Variants in ANKRD31 observed in about 807,000 individuals in gnomAD.
ANKRD31 encodes ankyrin repeat domain 31.
Under a neutral mutation model 186.0 loss-of-function variants are expected in ANKRD31, and 147 were observed. The ratio of observed to expected loss-of-function variants is 0.79; its 90% confidence interval spans 0.69 to 0.91. ANKRD31 has a LOEUF of 0.91. ANKRD31 is among the 40% of genes least tolerant of loss of function. The probability of loss-of-function intolerance (pLI) is 0.00; values close to 1 mark genes in which losing one functional copy is unlikely to be tolerated. For missense variants in ANKRD31, 1,986 were observed against 2,148.8 expected (o/e 0.92, Z 1.50); for synonymous variants, 673 against 736.4 (o/e 0.91, Z 1.39).
At chr5:75,177,089 C>G (rs1368482111) in intron 10 of ANKRD31, among the ~76,000 whole-genome samples, 27 of 152,078 alleles carry the variant, frequency 1.8e-4, no homozygotes, top group Admixed American at 1.8e-3. Context: ...GACAAATGCA[C>G]AAGCCTCAGT....
chr5:75,095,507 A>G (rs1215566783), intron 22 of ANKRD31, among the ~76,000 whole-genome samples: 1 of 151,962 alleles, frequency 6.6e-6, no homozygotes, highest in Non-Finnish European at 1.5e-5. Flanking sequence ...AACAATTCAC[A>G]AGTTTTAAAT....
intron 25 of ANKRD31, among the ~76,000 whole-genome samples, chr5:75,069,815 T>C (rs576308904): frequency 1.2e-4 from 19 of 152,248 alleles, no homozygotes; most frequent in Middle Eastern, 3.4e-3. Context: ...CAAAGTGCAA[T>C]GAGATTTTTA....
chr5:75,077,890 C>G (rs1041000341), intron 25 of ANKRD31, among the ~76,000 whole-genome samples: 2 of 147,344 alleles, frequency 1.4e-5, no homozygotes, highest in Admixed American at 6.8e-5. Context: ...CGAGATAGCG[C>G]CACTGCACTC....
In ANKRD31 at chr5:75,196,345, G is replaced by T. The variant is rs1755465624; in HGVS notation, c.448-145C>A. ...CTTTCCTTCCCTTCCATAAATAAAG[G>T]GAATACTCTTTATTGCTTTCCTATA... On this transcript the variant is annotated intron_variant, in intron 6 of 25. Coordinates refer to ENST00000506364, the MANE Select transcript of ANKRD31 (RefSeq NM_001372053.1). 4.9e-6 allele frequency: 3 copies of T among 613,012 alleles called. No individual in the cohort carries two copies. The East Asian group carries it at 9.4e-5, about 19-fold the overall frequency. 38.0% of individuals were successfully genotyped at this position (613,012 alleles called of 1,614,324 possible). A position where few individuals can be genotyped will look rare whatever the true frequency, so the allele number is the denominator to read the frequency against.
chr5:75,103,222 C>CAT (rs1747052789), intron 22 of ANKRD31, among the ~76,000 whole-genome samples: 1 of 152,068 alleles, frequency 6.6e-6, no homozygotes, highest in Non-Finnish European at 1.5e-5. Context: ...AGAAGGCATT[C>CAT]ATATGGCCAA....
chr5:75,174,695 A>C (rs1467586294), intron 10 of ANKRD31, among the ~76,000 whole-genome samples: 1 of 152,256 alleles, frequency 6.6e-6, no homozygotes, highest in East Asian at 1.9e-4. Context: ...ATCTCATGCC[A>C]GTTAGAATGC....
chr5:75,107,978 CA>C (rs1034484449), intron 20 of ANKRD31, among the ~76,000 whole-genome samples: 1 of 151,592 alleles, frequency 6.6e-6, no homozygotes, highest in Non-Finnish European at 1.5e-5. Context: ...TTTTAAAATA[CA>C]AAAGGAATAC....
chr5:75,162,983 T>C (rs1180829549), intron 11 of ANKRD31, among the ~76,000 whole-genome samples: 1 of 152,226 alleles, frequency 6.6e-6, no homozygotes, highest in Non-Finnish European at 1.5e-5. Context: ...AAGCTAAACA[T>C]TTGTTTCTTG....
chr5:75,205,446 G>A (rs1040509139), intron 5 of ANKRD31, among the ~76,000 whole-genome samples: 2 of 152,076 alleles, frequency 1.3e-5, no homozygotes, highest in Non-Finnish European at 2.9e-5. Context: ...TGTATGTTCA[G>A]GCTCATCCTG....
chr5:75,182,166 TCC>T (rs951621410), intron 10 of ANKRD31, among the ~76,000 whole-genome samples: 2 of 152,176 alleles, frequency 1.3e-5, no homozygotes, highest in Non-Finnish European at 2.9e-5. Context: ...AAAAACGATT[TCC>T]CCCAAATATT....
chr5:75,100,354 A>G (rs909782691), intron 22 of ANKRD31, among the ~76,000 whole-genome samples: 7 of 152,172 alleles, frequency 4.6e-5, no homozygotes, highest in Non-Finnish European at 8.8e-5. Context: ...TATGTGGTCA[A>G]TTTTGGAATA....
intron 2 of ANKRD31, among the ~76,000 whole-genome samples, chr5:75,227,837 C>T (rs887992503): frequency 1.3e-5 from 2 of 152,182 alleles, no homozygotes; most frequent in Non-Finnish European, 2.9e-5. Flanking sequence ...TGAGCTCCAC[C>T]TCCTGTCTGA....
rs1751637493 is a variant in ANKRD31, at chr5:75,148,581, G to A, written c.1900C>T (p.His634Tyr). 8 of 1,520,420 alleles carry A rather than the reference G, an allele frequency of 5.3e-6. No individual in the cohort carries two copies. The highest frequency in any genetic ancestry group is 6.2e-6 in the Non-Finnish European group (7 of 1,137,028). The allele number at this position is 1,520,420 out of a possible 1,614,324, so 94.2% of individuals were successfully genotyped here. Residue 634 changes from histidine (H) to tyrosine (Y), a missense_variant, in exon 13 of 26, where the codon CAC (histidine) becomes TAC (tyrosine). His to Tyr is a moderately conservative substitution (Grantham distance 83). Transcript: ENST00000506364. ...ATTACTAAACATAGATATACCTTGT[G>A]TTGGTACACATCCTCTATGTCTAGT... ...DPLDIEDVYQ[H>Y]KKPKFSSKSH... is the part of the protein sequence containing the mutation.
At chr5:75,179,553 A>G (rs1754109162) in intron 10 of ANKRD31, among the ~76,000 whole-genome samples, 1 of 152,250 alleles carries the variant, frequency 6.6e-6, no homozygotes, top group Non-Finnish European at 1.5e-5. Flanking sequence ...AGTGGGCTTC[A>G]TCACTGGGAT....
chr5:75,208,736 C>T (rs191558712), intron 4 of ANKRD31, among the ~76,000 whole-genome samples: 10 of 152,322 alleles, frequency 6.6e-5, no homozygotes, highest in Admixed American at 5.2e-4. Context: ...TGTCTCTCAT[C>T]TTCCCATCAA....
intron 17 of ANKRD31, among the ~76,000 whole-genome samples, chr5:75,127,796 T>C (rs1421435453): frequency 6.6e-6 from 1 of 152,224 alleles, no homozygotes; most frequent in Non-Finnish European, 1.5e-5. Flanking sequence ...TAGGTCTTCT[T>C]TAATTACTCT....
intron 11 of ANKRD31, among the ~76,000 whole-genome samples, chr5:75,165,919 G>A (rs1752890352): frequency 6.6e-6 from 1 of 152,066 alleles, no homozygotes. Flanking sequence ...ACATATTTTA[G>A]ATAACCTCAG....
Position 75,146,929 on chromosome 5 carries a change from A to C in ANKRD31, c.2482T>G (p.Ser828Ala). ...GAAACAGCTTCAGTTTGGTCAACAG[A>C]TTCTAATTCCAAGCATTGAACTTCT... ...SQEVQCLELE[S>A]VDQTEAVSFP... Residue 828 changes from serine (S) to alanine (A), a missense_variant, in exon 14 of 26, where the codon TCT (serine) becomes GCT (alanine). Transcript: ENST00000506364. 1 of 1,536,388 alleles carries C rather than the reference A, an allele frequency of 6.5e-7. No homozygotes were observed.
chr5:75,137,583 A>T (rs914112087), intron 17 of ANKRD31, among the ~76,000 whole-genome samples: 9 of 152,190 alleles, frequency 5.9e-5, no homozygotes, highest in African/African-American at 1.7e-4. Context: ...AATTAAAAAT[A>T]TAATGTATTA....
Sources: gnomAD v4.1 joint callset for allele counts (sites outside exome capture counted in the v4.1 genomes callset) on GRCh38, gnomAD v4.1.1 for gene constraint, MANE v1.5 for transcripts, NCBI Gene and HGNC (gene_info 2026-07-23, HGNC 2026-07-21) for gene names.